SLC25A48: variants seen among roughly 807,000 people sequenced by gnomAD.
The protein encoded by SLC25A48 is CTC-321K16.1.
SLC25A48 carries 29 observed loss-of-function variants against 32.2 expected under a neutral mutation model. The ratio of observed to expected loss-of-function variants is 0.90; its 90% CI spans 0.67 to 1.23. SLC25A48 has a LOEUF of 1.23. SLC25A48 is among the 50% of genes most tolerant of loss of function. The pLI is 0.00. For missense variants in SLC25A48, 399 were observed against 422.7 expected (o/e 0.94, Z 0.49); for synonymous variants, 164 against 172.3 (o/e 0.95, Z 0.38).
intron 3 of SLC25A48, among the ~76,000 whole-genome samples, chr5:135,778,745 A>G (rs900570041): frequency 0.012 from 13 of 1,072 alleles, no homozygotes; most frequent in Non-Finnish European, 0.025. Context: ...TACTCCCAAT[A>G]CTGCAGGGGA....
intron 4 of SLC25A48, among the ~76,000 whole-genome samples, chr5:135,818,874 T>C (rs941221099): frequency 8.6e-5 from 13 of 151,546 alleles, no homozygotes; most frequent in African/African-American, 3.2e-4. Flanking sequence ...AATAGAGAAA[T>C]AGCAACTATA....
intron 3 of SLC25A48, among the ~76,000 whole-genome samples, chr5:135,707,918 A>G (rs1288298158): frequency 1.3e-5 from 2 of 152,168 alleles, no homozygotes; most frequent in African/African-American, 2.4e-5. Context: ...CAGTAAATAC[A>G]TATTTATGAG....
intron 3 of SLC25A48, among the ~76,000 whole-genome samples, chr5:135,799,465 T>C (rs2126640998): frequency 6.6e-6 from 1 of 151,646 alleles, no homozygotes; most frequent in South Asian, 2.1e-4. Flanking sequence ...TTGCAGGAAG[T>C]GTATACGTTC....
chr5:135,679,321 C>A (rs1753839990), intron 3 of SLC25A48, among the ~76,000 whole-genome samples: 1 of 152,144 alleles, frequency 6.6e-6, no homozygotes, highest in Non-Finnish European at 1.5e-5. Flanking sequence ...AGTCCTCAGG[C>A]CCCTGGACAG....
At chr5:135,752,641 G>A (rs1755796867) in intron 3 of SLC25A48, among the ~76,000 whole-genome samples, 1 of 152,080 alleles carries the variant, frequency 6.6e-6, no homozygotes, top group Non-Finnish European at 1.5e-5. Flanking sequence ...TGTGATATTA[G>A]GAGTAATATC....
At chr5:135,853,377 A>T in intron 4 of SLC25A48, among the ~76,000 whole-genome samples, 1 of 152,182 alleles carries the variant, frequency 6.6e-6, no homozygotes, top group East Asian at 1.9e-4. Context: ...ATGGCATTTT[A>T]CCCACAGTAG....
chr5:135,749,743 C>A (rs1438593582), intron 3 of SLC25A48, among the ~76,000 whole-genome samples: 1 of 152,084 alleles, frequency 6.6e-6, no homozygotes, highest in Non-Finnish European at 1.5e-5. Context: ...AGGCGCACAC[C>A]ACCACGCTGG....
chr5:135,657,550 A>G lies in SLC25A48; in HGVS notation c.-521+22594A>G, dbSNP rs146103540. Among the ~76,000 whole-genome samples the G allele has an allele frequency of 8.3e-4, 126 of 152,342 alleles. 3 individuals are homozygous for G. The East Asian group carries it at 0.022, about 26-fold the overall frequency. ...CTTTTTGGCAGTGATCAGAAGGGGA[A>G]CTGTCGTTTACAGACTGCTGTTCAA... On this transcript the variant is annotated intron_variant, in intron 3 of 10. Coordinates refer to the SLC25A48 transcript ENST00000646290.
chr5:135,646,206 G>A (rs1015571991), intron 3 of SLC25A48, among the ~76,000 whole-genome samples: 2 of 152,204 alleles, frequency 1.3e-5, no homozygotes, highest in African/African-American at 2.4e-5. Flanking sequence ...GCAGGCAGGG[G>A]TGTTGGTGGC....
At chr5:135,733,182 G>A (rs1755272830) in intron 3 of SLC25A48, among the ~76,000 whole-genome samples, 3 of 152,194 alleles carry the variant, frequency 2.0e-5, no homozygotes. Context: ...GAGGGGGGCA[G>A]AGCAGTAGCC....
At chr5:135,657,165 C>T (rs1175929817) in intron 3 of SLC25A48, among the ~76,000 whole-genome samples, 1 of 152,136 alleles carries the variant, frequency 6.6e-6, no homozygotes, top group Non-Finnish European at 1.5e-5. Flanking sequence ...TTCTATTGAC[C>T]AACCCTGTAA....
At chr5:135,855,061 C>G (rs6859088) in intron 4 of SLC25A48, among the ~76,000 whole-genome samples, 73,954 of 152,090 alleles carry the variant, frequency 0.49, 20,090 homozygotes, top group East Asian at 0.69. Context: ...TAAGCTGACT[C>G]TCTTATATGG....
intron 4 of SLC25A48, among the ~76,000 whole-genome samples, chr5:135,871,082 CA>C (rs1761605259): frequency 1.6e-5 from 2 of 128,032 alleles, no homozygotes; most frequent in Non-Finnish European, 3.5e-5. Flanking sequence ...CACACACACA[CA>C]CACACACACA....
At chr5:135,822,366 T>C (rs1346085805) in intron 4 of SLC25A48, among the ~76,000 whole-genome samples, 1 of 152,200 alleles carries the variant, frequency 6.6e-6, no homozygotes, top group African/African-American at 2.4e-5. Flanking sequence ...CATTTATTCT[T>C]TCACAGTTCT....
intron 6 of SLC25A48, chr5:135,876,128 CTTCTTTTTTTTTTTTTTTTTTT>C (rs1043397661): frequency 4.2e-5 from 2 of 47,864 alleles, no homozygotes; most frequent in Non-Finnish European, 7.7e-5. Flanking sequence ...TTTTTTTCTT[CTTCTTTTTTTTTTTTTTTTTTT>C]TTTTTTTTTT....
intron 3 of SLC25A48, among the ~76,000 whole-genome samples, chr5:135,744,854 C>T (rs1412005152): frequency 2.6e-5 from 4 of 151,932 alleles, no homozygotes; most frequent in Non-Finnish European, 2.9e-5. Context: ...CCAGCCTGGC[C>T]AGCATAATGA....
At chr5:135,768,511 G>A (rs554294106) in intron 3 of SLC25A48, among the ~76,000 whole-genome samples, 1 of 151,556 alleles carries the variant, frequency 6.6e-6, no homozygotes, top group African/African-American at 2.4e-5. Context: ...AATGTCTGGG[G>A]GAGGGGAGGA....
intron 3 of SLC25A48, chr5:135,652,427 A>G (rs1432077280): frequency 4.4e-6 from 2 of 456,204 alleles, no homozygotes; most frequent in Admixed American, 4.7e-5. Flanking sequence ...CCATTATGAC[A>G]TTCTCCATAG....
At chr5:135,627,419 G>A (rs1047743749) in intron 1 of SLC25A48, among the ~76,000 whole-genome samples, 7 of 152,146 alleles carry the variant, frequency 4.6e-5, no homozygotes, top group African/African-American at 1.7e-4. Flanking sequence ...CTGCCTCCTG[G>A]GCTCTAGTAA....
Sources: allele counts gnomAD v4.1 joint callset (sites outside exome capture counted in the v4.1 genomes callset), GRCh38; gene constraint gnomAD v4.1.1; transcripts MANE v1.5; gene names NCBI Gene and HGNC (gene_info 2026-07-23, HGNC 2026-07-21).